ZCCHC4: variants seen among roughly 807,000 people sequenced by gnomAD.
ZCCHC4 encodes the protein rRNA N(6)-adenosine-methyltransferase ZCCHC4.
Under a neutral mutation model 67.7 loss-of-function variants are expected in ZCCHC4, and 54 were observed. That is an observed-to-expected ratio of 0.80 (90% CI 0.64 to 1.00). ZCCHC4 has a LOEUF of 1.00. ZCCHC4 is among the 50% of genes least tolerant of loss of function. The pLI, the probability that ZCCHC4 is intolerant of heterozygous loss-of-function variation, is 0.00. For synonymous variants in ZCCHC4, 198 were observed against 213.5 expected (o/e 0.93, Z 0.63); for missense variants, 609 against 617.0 (o/e 0.99, Z 0.14).
intron 1 of ZCCHC4, 30 bp downstream of exon 1, chr4:25,312,966 G>T: frequency 6.2e-7 from 1 of 1,607,616 alleles, no homozygotes; most frequent in South Asian, 1.1e-5. Flanking sequence ...CAGCCTAACT[G>T]CCGGGCGCTG....
chr4:25,353,168 C>T (rs1021246019), intron 8 of ZCCHC4, among the ~76,000 whole-genome samples: 9 of 151,994 alleles, frequency 5.9e-5, no homozygotes, highest in African/African-American at 2.2e-4. Flanking sequence ...TTGTTTTTAC[C>T]TTTTAAGGTA....
intron 5 of ZCCHC4, among the ~76,000 whole-genome samples, chr4:25,335,118 A>G (rs914199629): frequency 6.6e-6 from 1 of 152,212 alleles, no homozygotes; most frequent in Admixed American, 6.5e-5. Context: ...ACCAAGCACT[A>G]AACAGATTTT....
intron 3 of ZCCHC4, among the ~76,000 whole-genome samples, chr4:25,328,338 C>G (rs1718999182): frequency 6.6e-6 from 1 of 151,980 alleles, no homozygotes. Context: ...CTCCCAAGTT[C>G]AAGCAACTCT....
At chr4:25,322,943 T>C (rs1718662154) in intron 3 of ZCCHC4, among the ~76,000 whole-genome samples, 1 of 152,230 alleles carries the variant, frequency 6.6e-6, no homozygotes, top group Non-Finnish European at 1.5e-5. Flanking sequence ...TAATCAACAC[T>C]CCTGTTTCCA....
chr4:25,326,975 A>G lies in ZCCHC4; in HGVS notation c.330-6208A>G, dbSNP rs1441566261. On this transcript the variant is annotated intron_variant, in intron 3 of 12. Transcript: ENST00000302874. ...TGGTTTTAAATTGTATTGTTTTAAA[A>G]TTTCAGTTTCTAATTGTCTATTGCT... is the stretch of plus-strand genomic sequence containing the variant. Among the ~76,000 whole-genome samples, 3 of 152,314 alleles carry G rather than the reference A, an allele frequency of 2.0e-5. No individual in the cohort carries two copies. The East Asian group carries it at 5.8e-4, about 29-fold the overall frequency.
At chr4:25,325,923 G>C (rs1333147979) in intron 3 of ZCCHC4, among the ~76,000 whole-genome samples, 1 of 150,592 alleles carries the variant, frequency 6.6e-6, no homozygotes, top group Non-Finnish European at 1.5e-5. Flanking sequence ...GGATTAGAGA[G>C]AAAAAAAAAT....
Position 25,333,413 on chromosome 4 carries a change from T to TA in ZCCHC4, c.560_561insA (p.Ser188PhefsTer18). On this transcript the variant is annotated frameshift_variant, in exon 4 of 13. Coordinates refer to ENST00000302874, the MANE Select transcript of ZCCHC4 (RefSeq NM_024936.3). LOFTEE classifies it high-confidence loss of function. ...AGCTGTCAGTTCTTGGTAGACTTAC[T>TA]TTCTGCCCTCGGATTCAGAAGAGTA... The TA allele has an allele frequency of 6.2e-7, 1 of 1,614,204 alleles. No homozygotes were observed. Among genetic ancestry groups the TA allele is most frequent in the Non-Finnish European group, 8.5e-7 (1 of 1,180,030 alleles).
At chr4:25,324,014 G>GGTTTTTTTTTTTTT (rs777768505) in intron 3 of ZCCHC4, among the ~76,000 whole-genome samples, 1,095 of 82,386 alleles carry the variant, frequency 0.013, 40 homozygotes, top group Middle Eastern at 0.027. Context: ...TGTTTTTTGT[G>GGTTTTTTTTTTTTT]TTTTTTTTTT....
intron 7 of ZCCHC4, among the ~76,000 whole-genome samples, chr4:25,351,290 C>T (rs1329055884): frequency 6.6e-6 from 1 of 152,104 alleles, no homozygotes; most frequent in Non-Finnish European, 1.5e-5. Flanking sequence ...AAGTGGCACT[C>T]CTTTTCTATT....
intron 5 of ZCCHC4, among the ~76,000 whole-genome samples, chr4:25,342,190 G>T (rs1412466246): frequency 6.6e-6 from 1 of 152,158 alleles, no homozygotes; most frequent in Non-Finnish European, 1.5e-5. Flanking sequence ...GGAATGCTCT[G>T]AGGCTGGTTA....
intron 6 of ZCCHC4, among the ~76,000 whole-genome samples, chr4:25,347,449 G>A (rs973762662): frequency 1.3e-5 from 2 of 152,196 alleles, no homozygotes; most frequent in Non-Finnish European, 2.9e-5. Context: ...CTGAAGAAAA[G>A]AGTCGTCCAG....
intron 3 of ZCCHC4, among the ~76,000 whole-genome samples, chr4:25,329,315 A>G (rs907529679): frequency 5.3e-5 from 8 of 152,046 alleles, no homozygotes; most frequent in Admixed American, 5.2e-4. Context: ...CATTTATTAT[A>G]CTTTCAAAAT....
At chr4:25,324,014 G>GGTTTTTTTT (rs777768505) in intron 3 of ZCCHC4, among the ~76,000 whole-genome samples, 6 of 82,430 alleles carry the variant, frequency 7.3e-5, no homozygotes, top group Admixed American at 5.1e-4. Flanking sequence ...TGTTTTTTGT[G>GGTTTTTTTT]TTTTTTTTTT....
rs377288465 is a variant in ZCCHC4, at chr4:25,364,502, C to G, written c.1258C>G (p.Pro420Ala). The G allele has an allele frequency of 2.6e-6, 4 of 1,557,388 alleles. No homozygotes were observed. The highest frequency in any genetic ancestry group is 1.3e-5 in the South Asian group (1 of 77,824). ...HCFLCKKCVK[P>A]SWIHCSICNH... ...CTTTCTCTGTAAAAAGTGTGTAAAG[C>G]CTTGTAAGTATTGAGACTTAGTGTT... Residue 420 changes from proline to alanine, a missense_variant, in exon 11 of 13, where the codon CCT becomes GCT. Coordinates refer to ENST00000302874, the MANE Select transcript of ZCCHC4 (RefSeq NM_024936.3).
Position 25,333,973 on chromosome 4 carries a change from TG to T in ZCCHC4, c.673del (p.Asp225IlefsTer50). ...AAGTCTAACATTAAAAGCCTTTTAT[TG>T]GATATTGATTTTCGGTAGGTTTACA... ...DKKSNIKSLLLDIDFRYSQFY... is the reference protein window; with the variant it reads ...DKKSNIKSLLXDIDFRYSQFY... On this transcript the variant is annotated frameshift_variant, in exon 5 of 13. Transcript: ENST00000302874. LOFTEE classifies it high-confidence loss of function. The T allele has an allele frequency of 6.2e-7, 1 of 1,601,462 alleles. No homozygotes were observed.
At chr4:25,346,782 A>T (rs1478993128) in intron 6 of ZCCHC4, among the ~76,000 whole-genome samples, 1 of 152,220 alleles carries the variant, frequency 6.6e-6, no homozygotes, top group Admixed American at 6.5e-5. Flanking sequence ...GTGGTTGCTA[A>T]TCACTAAGAA....
chr4:25,320,040 T>G (rs1402952152), intron 3 of ZCCHC4, among the ~76,000 whole-genome samples: 1 of 152,152 alleles, frequency 6.6e-6, no homozygotes, highest in Non-Finnish European at 1.5e-5. Context: ...CTGATTTTTA[T>G]TATAGGATTG....
At position 25,369,162 on chromosome 4, in the gene ZCCHC4, T is replaced by A; in HGVS notation, c.1540T>A (p.Ter514LysextTer20). 1 of 1,610,472 alleles carries A rather than the reference T, an allele frequency of 6.2e-7. No homozygotes were observed. The highest frequency in any genetic ancestry group is 8.5e-7 in the Non-Finnish European group (1 of 1,179,286). The change falls in exon 13 of 13, where the codon TAA becomes AAA. Residue 514 changes from the stop codon to lysine, a stop_lost. Transcript: ENST00000302874. ...AAGAGCCCATCAATATCTTGGCTCTTAAATGTCCAGTGACTGGAGAATAAG... is the reference window on the plus strand; with the variant it reads ...AAGAGCCCATCAATATCTTGGCTCTAAAATGTCCAGTGACTGGAGAATAAG... ...RERAHQYLGS[*>K]
At chr4:25,332,077 G>A (rs550233973) in intron 3 of ZCCHC4, among the ~76,000 whole-genome samples, 2 of 152,328 alleles carry the variant, frequency 1.3e-5, no homozygotes, top group East Asian at 3.9e-4. Context: ...GGAGGCCAAG[G>A]CGGGCGGATC....
Sources: gnomAD v4.1 joint callset for allele counts (sites outside exome capture counted in the v4.1 genomes callset) on GRCh38, gnomAD v4.1.1 for gene constraint, MANE v1.5 for transcripts, NCBI Gene and HGNC (gene_info 2026-07-23, HGNC 2026-07-21) for gene names.